Variants in RAP1B observed in about 807,000 individuals in gnomAD.
RAP1B encodes RAP1B, member of RAS oncogene family.
Under a neutral mutation model 27.5 loss-of-function variants are expected in RAP1B, and 1 was observed. That is an observed-to-expected ratio of 0.04 (90% CI 0.01 to 0.17). RAP1B has a LOEUF of 0.17. Ranked by LOEUF, RAP1B falls within the 10% of genes least tolerant of loss-of-function variation. The probability of loss-of-function intolerance (pLI) is 1.00; values close to 1 mark genes in which losing one functional copy is unlikely to be tolerated. For synonymous variants in RAP1B, 75 were observed against 73.1 expected, an observed-to-expected ratio of 1.03 and a Z score of -0.13; for missense variants, 84 against 214.8, an observed-to-expected ratio of 0.39 and a Z score of 3.81.
chr12:68,637,368 C>T (rs887032769), intron 1 of RAP1B, among the ~76,000 whole-genome samples: 12 of 151,988 alleles, frequency 7.9e-5, no homozygotes, highest in African/African-American at 1.4e-4. Context: ...GAGGCCCAGG[C>T]GGGTGGATCA....
chr12:68,643,782 T>C (rs944052135), intron 1 of RAP1B, among the ~76,000 whole-genome samples: 1 of 152,180 alleles, frequency 6.6e-6, no homozygotes, highest in Non-Finnish European at 1.5e-5. Context: ...GGGGTAGTTA[T>C]AGAACAACTT....
chr12:68,615,545 C>T (rs973341402), intron 1 of RAP1B, among the ~76,000 whole-genome samples: 6 of 151,310 alleles, frequency 4.0e-5, no homozygotes, highest in Non-Finnish European at 8.8e-5. Flanking sequence ...GCCAAGATCG[C>T]TCCACTGCAC....
chr12:68,640,212 C>T (rs755381535), intron 1 of RAP1B, among the ~76,000 whole-genome samples: 2 of 152,090 alleles, frequency 1.3e-5, no homozygotes, highest in Non-Finnish European at 2.9e-5. Flanking sequence ...AATTTAATAT[C>T]AATCCATTGA....
At chr12:68,650,599 A>G (rs1873744312) in intron 3 of RAP1B, 131 bp downstream of exon 3, 3 of 874,166 alleles carry the variant, frequency 3.4e-6, no homozygotes. Flanking sequence ...GGAAAAGTTT[A>G]CACTTTCTGG....
chr12:68,652,392 G>A (rs1873875789), intron 4 of RAP1B, among the ~76,000 whole-genome samples: 1 of 152,132 alleles, frequency 6.6e-6, no homozygotes, highest in South Asian at 2.1e-4. Flanking sequence ...GTTGCAGTGA[G>A]CCAAGACTGT....
intron 1 of RAP1B, among the ~76,000 whole-genome samples, chr12:68,624,077 G>C (rs1338865365): frequency 6.6e-6 from 1 of 151,818 alleles, no homozygotes; most frequent in Admixed American, 6.6e-5. Context: ...GAGTTAAAAA[G>C]GCTTTATTCA....
intron 1 of RAP1B, among the ~76,000 whole-genome samples, chr12:68,641,795 A>T (rs937441782): frequency 6.6e-6 from 1 of 151,838 alleles, no homozygotes; most frequent in Non-Finnish European, 1.5e-5. Context: ...TCAAAGGTAA[A>T]AAAAAAAAAC....
Position 68,669,764 on chromosome 12 carries a change from C to G in RAP1B, c.*10515C>G, listed in dbSNP as rs1358698899. The G allele has an allele frequency of 6.6e-6, 1 of 151,998 alleles. No individual in the cohort carries two copies. The highest frequency in any genetic ancestry group is 1.5e-5 in the Non-Finnish European group (1 of 68,070). The allele number at this position is 151,998 out of a possible 1,614,324, so 9.4% of individuals were successfully genotyped here. On this transcript the variant is annotated 3_prime_UTR_variant, in exon 8 of 8. Coordinates refer to ENST00000250559, the MANE Select transcript of RAP1B (RefSeq NM_001010942.3). Reference sequence around the variant, plus strand: ...TGCAGTAGCTGAGATTGTACCACTGCACTCCAGCCTGGGTGACAGAGCAAA... The same window carrying G: ...TGCAGTAGCTGAGATTGTACCACTGGACTCCAGCCTGGGTGACAGAGCAAA...
intron 2 of RAP1B, chr12:68,649,061 C>T (rs371233612): frequency 3.1e-6 from 1 of 321,780 alleles, no homozygotes; most frequent in South Asian, 8.7e-5. Context: ...TTTGCATTCG[C>T]ATTTCAGAGC....
At chr12:68,631,004 C>T (rs766761542) in intron 1 of RAP1B, among the ~76,000 whole-genome samples, 38 of 151,980 alleles carry the variant, frequency 2.5e-4, no homozygotes, top group Non-Finnish European at 2.9e-5. Context: ...CCCCATACAT[C>T]TGCTTTATTT....
intron 1 of RAP1B, among the ~76,000 whole-genome samples, chr12:68,635,489 TCTGTCA>T (rs1221856762): frequency 6.6e-6 from 1 of 152,168 alleles, no homozygotes; most frequent in Non-Finnish European, 1.5e-5. Context: ...ACAGAGTCAC[TCTGTCA>T]CCCAGGCTGG....
chr12:68,659,787 G>GT lies in RAP1B; in HGVS notation c.*545dup, dbSNP rs1874497544. 6.6e-6 allele frequency: 1 copy of GT among 152,258 alleles called. No homozygotes were observed. The highest frequency in any genetic ancestry group is 2.1e-4 in the South Asian group (1 of 4,826). The allele number at this position is 152,258 out of a possible 1,614,324, so 9.4% of individuals were successfully genotyped here. A position where few individuals can be genotyped will look rare whatever the true frequency, so the allele number is the denominator to read the frequency against. ...GCGCTTTGATTAACACAGCTATATA[G>GT]TTTTTTTAATTTTTAAAAAACCTGT... On this transcript the variant is annotated 3_prime_UTR_variant, in exon 8 of 8. Transcript: ENST00000250559.
intron 1 of RAP1B, among the ~76,000 whole-genome samples, chr12:68,631,775 C>G (rs2135935091): frequency 6.6e-6 from 1 of 152,202 alleles, no homozygotes; most frequent in East Asian, 1.9e-4. Flanking sequence ...TTGTACATCT[C>G]ATGATATTTT....
intron 1 of RAP1B, among the ~76,000 whole-genome samples, chr12:68,632,750 G>A (rs1872357165): frequency 6.6e-6 from 1 of 152,120 alleles, no homozygotes; most frequent in Admixed American, 6.6e-5. Context: ...TTAAAAATAA[G>A]ATATAAGATA....
rs1874502341 is a variant in RAP1B, at chr12:68,659,865, T to G, written c.*616T>G. ...TGATAGTCCTTTCAGTATAATGTCT[T>G]AGATTAAAGACGTTGCCTTTAATAT... On this transcript the variant is annotated 3_prime_UTR_variant, in exon 8 of 8. Coordinates refer to ENST00000250559, the MANE Select transcript of RAP1B (RefSeq NM_001010942.3). 1 of 152,338 alleles carries G rather than the reference T, an allele frequency of 6.6e-6. No homozygotes were observed. The highest frequency in any genetic ancestry group is 2.4e-5 in the African/African-American group (1 of 41,320). The allele number at this position is 152,338 out of a possible 1,614,324, so 9.4% of individuals were successfully genotyped here.
intron 1 of RAP1B, among the ~76,000 whole-genome samples, chr12:68,624,014 C>G (rs1871569381): frequency 6.9e-6 from 1 of 145,892 alleles, no homozygotes; most frequent in Non-Finnish European, 1.5e-5. Flanking sequence ...GAGTGAGACT[C>G]TATCTCAGGG....
At position 68,612,470 on chromosome 12, in the gene RAP1B, AT is replaced by A. The variant is rs546344917; in HGVS notation, c.-27+1431del. Among the ~76,000 whole-genome samples, 9 of 152,280 alleles carry A rather than the reference AT, an allele frequency of 5.9e-5. No homozygotes were observed. The South Asian group carries it at 1.7e-3, about 28-fold the overall frequency. On this transcript the variant is annotated intron_variant, in intron 1 of 7. Coordinates refer to ENST00000250559, the MANE Select transcript of RAP1B (RefSeq NM_001010942.3). Reference sequence around the variant, plus strand: ...TTAGATCATCCAGTCCCACCCTGTCATTTTATGGAGGAGGAAACTGAGGCCT... The same window carrying A: ...TTAGATCATCCAGTCCCACCCTGTCATTTATGGAGGAGGAAACTGAGGCCT...
rs1874953663 is a variant in RAP1B, at chr12:68,668,819, A to C, written c.*9570A>C. 1 of 152,234 alleles carries C rather than the reference A, an allele frequency of 6.6e-6. No individual in the cohort carries two copies. The highest frequency in any genetic ancestry group is 6.5e-5 in the Admixed American group (1 of 15,294). 9.4% of individuals were successfully genotyped at this position (152,234 alleles called of 1,614,324 possible). On this transcript the variant is annotated 3_prime_UTR_variant, in exon 8 of 8. Transcript: ENST00000250559. ...TGCTTGAAAGTGACATTTCTAGATT[A>C]AAGATCTGATAAGCTCTGATAGTTG... is the stretch of plus-strand genomic sequence containing the variant.
chr12:68,628,067 T>C (rs1308002988), intron 1 of RAP1B, among the ~76,000 whole-genome samples: 1 of 152,218 alleles, frequency 6.6e-6, no homozygotes, highest in African/African-American at 2.4e-5. Context: ...ATTGCACCTC[T>C]GCACTCTAGC....
Sources: allele counts gnomAD v4.1 joint callset (sites outside exome capture counted in the v4.1 genomes callset), GRCh38; gene constraint gnomAD v4.1.1; transcripts MANE v1.5; gene names NCBI Gene and HGNC (gene_info 2026-07-23, HGNC 2026-07-21).